The following SLC25A6 variants were observed in gnomAD, a reference collection of about 807,000 sequenced individuals.
The protein encoded by SLC25A6 is solute carrier family 25 member 6, also known as ADP/ATP translocase 3.
In SLC25A6, 9 loss-of-function variants were observed where a neutral mutation model predicts 25.7. That is an observed-to-expected ratio of 0.35 (90% CI 0.21 to 0.61). The LOEUF (loss-of-function observed/expected upper bound fraction) is 0.61. Among genes scored for constraint, SLC25A6 ranks in the 20% least tolerant of loss-of-function variants. SLC25A6 has a pLI of 0.76. For missense variants in SLC25A6, 404 were observed against 440.5 expected, an observed-to-expected ratio of 0.92 and a Z score of 0.74; for synonymous variants, 223 against 197.0, an observed-to-expected ratio of 1.13 and a Z score of -1.11.
intron 2 of SLC25A6, 95 bp downstream of exon 2, chrX:1,389,146 C>A: frequency 7.0e-7 from 1 of 1,418,468 alleles, no homozygotes; most frequent in African/African-American, 1.4e-5. Context: ...CAGCCCTGCC[C>A]ACACCTTATC....
rs746428369 is a variant in SLC25A6, at chrX:1,386,703, C to T, written c.796G>A (p.Gly266Arg). 2.5e-6 allele frequency: 4 copies of T among 1,612,756 alleles called. No homozygotes were observed. The highest frequency in any genetic ancestry group is 2.2e-5 in the East Asian group (1 of 44,796). Residue 266 changes from glycine (G) to arginine (R), a missense_variant, in exon 4 of 4, where the codon GGG (glycine) becomes AGG (arginine). Physicochemically the swap from Gly to Arg is moderately radical, Grantham distance 125. Transcript: ENST00000381401. ...DCWRKIFRDE[G>R]GKAFFKGAWS... ...GCACCCTTGAAGAAGGCCTTGCCCCCCTCATCTCTGAAGATCTTCCTCCAA... is the reference window on the plus strand; with the variant it reads ...GCACCCTTGAAGAAGGCCTTGCCCCTCTCATCTCTGAAGATCTTCCTCCAA...
intron 1 of SLC25A6, 78 bp downstream of exon 1, chrX:1,391,821 G>C (rs1182134921): frequency 3.5e-6 from 4 of 1,158,868 alleles, no homozygotes; most frequent in African/African-American, 1.6e-5. Context: ...GCAAGGCTCT[G>C]CTGCCCACGT....
At chrX:1,387,489 G>C in intron 2 of SLC25A6, 70 bp from the exon 3 acceptor site, 9 of 1,589,590 alleles carry the variant, frequency 5.7e-6, no homozygotes, top group South Asian at 5.6e-5. Flanking sequence ...CGGCCCCCAG[G>C]GTGTGCTCAC....
Position 1,389,631 on chromosome X carries a change from A to G in SLC25A6, c.208T>C (p.Phe70Leu). The G allele has an allele frequency of 6.2e-7, 1 of 1,614,098 alleles. No individual in the cohort carries two copies. Among genetic ancestry groups the G allele is most frequent in the Non-Finnish European group, 8.5e-7 (1 of 1,180,006 alleles). The change falls in exon 2 of 4, where the codon TTC becomes CTC. Residue 70 changes from phenylalanine to leucine, a missense_variant. Transcript: ENST00000381401. ...RIPKEQGVLS[F>L]WRGNLANVIR... is the part of the protein sequence containing the mutation. ...ACGTTGGCAAGGTTGCCCCTCCAGA[A>G]GGACAGCACGCCCTGCTCCTTGGGG...
intron 1 of SLC25A6, 75 bp from the exon 2 acceptor site, chrX:1,389,802 C>A: frequency 9.6e-6 from 15 of 1,562,672 alleles, no homozygotes; most frequent in Non-Finnish European, 1.2e-5. Flanking sequence ...AGGGTGCATC[C>A]TTTTTTTGAC....
chrX:1,387,242 C>T (rs2089336968), intron 3 of SLC25A6, 37 bp downstream of exon 3: 1 of 1,605,968 alleles, frequency 6.2e-7, no homozygotes, highest in Non-Finnish European at 8.5e-7. Flanking sequence ...CTTGGTTCCC[C>T]TTCCCGGCAG....
chrX:1,391,749 C>T lies in SLC25A6; in HGVS notation c.111+150G>A, dbSNP rs533526475. On this transcript the variant is annotated intron_variant, in intron 1 of 3. Transcript: ENST00000381401. ...CTGCAGCAGCGGTCACGTGACGCGG[C>T]CCCCGGAAGCCGGCGGCGCGTGGAC... 5.7e-5 allele frequency: 34 copies of T among 595,632 alleles called. No individual in the cohort carries two copies. In the South Asian group the frequency reaches 6.6e-4, roughly 12 times the overall value. 36.9% of individuals were successfully genotyped at this position (595,632 alleles called of 1,614,324 possible).
chrX:1,390,817 A>AATTTTT (rs1480688861), intron 1 of SLC25A6, among the ~76,000 whole-genome samples: 9 of 133,504 alleles, frequency 6.7e-5, no homozygotes, highest in South Asian at 2.4e-4. Flanking sequence ...TAAGTTTAAA[A>AATTTTT]CTTTTTCTTA....
At chrX:1,390,437 C>G (rs150782390) in intron 1 of SLC25A6, 1,702 of 152,856 alleles carry the variant, frequency 0.011, 32 homozygotes, top group African/African-American at 0.038. Context: ...ACTAAAAATA[C>G]AGAACATTAG....
intron 2 of SLC25A6, 105 bp downstream of exon 2, chrX:1,389,136 C>T (rs2089367115): frequency 1.5e-6 from 2 of 1,309,796 alleles, no homozygotes; most frequent in Admixed American, 2.5e-5. Flanking sequence ...CAGGAGGAAC[C>T]AGCCCTGCCC....
intron 1 of SLC25A6, among the ~76,000 whole-genome samples, chrX:1,391,517 T>A (rs2089410884): frequency 6.6e-6 from 1 of 152,090 alleles, no homozygotes; most frequent in Non-Finnish European, 1.5e-5. Flanking sequence ...CCCTTCACGG[T>A]GGAGGGAGCA....
At position 1,389,221 on chromosome X, in the gene SLC25A6, G is replaced by A. The variant is rs769302976; in HGVS notation, c.598+20C>T. The A allele has an allele frequency of 5.0e-6, 8 of 1,603,780 alleles. No individual in the cohort carries two copies. The highest frequency in any genetic ancestry group is 2.2e-5 in the East Asian group (1 of 44,676). ...GTGTTGAGCCCGTCTCTGGGACTTC[G>A]CGATGGCAGCCACACGTACCCTTGG... On this transcript the variant is annotated intron_variant, in intron 2 of 3. Coordinates refer to ENST00000381401, the MANE Select transcript of SLC25A6 (RefSeq NM_001636.4).
intron 2 of SLC25A6, among the ~76,000 whole-genome samples, chrX:1,387,791 G>A (rs2089345402): frequency 6.6e-6 from 1 of 152,008 alleles, no homozygotes; most frequent in Non-Finnish European, 1.5e-5. Flanking sequence ...ACCTCAGGAT[G>A]CAACTGTACT....
At chrX:1,387,506 CT>C in intron 2 of SLC25A6, 87 bp from the exon 3 acceptor site, 14 of 1,559,292 alleles carry the variant, frequency 9.0e-6, no homozygotes, top group Non-Finnish European at 1.2e-5. Flanking sequence ...TCACGGCCCC[CT>C]GAGGTGGTGC....
intron 2 of SLC25A6, 55 bp from the exon 3 acceptor site, chrX:1,387,474 AG>A: frequency 6.2e-7 from 1 of 1,600,128 alleles, no homozygotes; most frequent in South Asian, 1.1e-5. Context: ...ACCCGAGACC[AG>A]GGTCGGCCCC....
chrX:1,389,846 ATGGGGTGAT>A (rs2089378537), intron 1 of SLC25A6, 119 bp from the exon 2 acceptor site: 2 of 1,499,940 alleles, frequency 1.3e-6, no homozygotes, highest in Non-Finnish European at 8.9e-7. Context: ...CTGGAGTGCA[ATGGGGTGAT>A]CAAGTGATTC....
At position 1,386,427 on chromosome X, in the gene SLC25A6, T is replaced by C. The variant is rs767054239; in HGVS notation, c.*175A>G. On this transcript the variant is annotated 3_prime_UTR_variant, in exon 4 of 4. Coordinates refer to ENST00000381401, the MANE Select transcript of SLC25A6 (RefSeq NM_001636.4). ...AAGACACGGAATCGGCTGCCGATGG[T>C]TGGATCGCAATGCGCCCCTTTTCTA... is the stretch of plus-strand genomic sequence containing the variant. 11 of 823,548 alleles carry C rather than the reference T, an allele frequency of 1.3e-5. No individual in the cohort carries two copies. The South Asian group carries it at 1.6e-4, about 12-fold the overall frequency. The allele number at this position is 823,548 out of a possible 1,614,324, so 51.0% of individuals were successfully genotyped here.
chrX:1,386,773 G>C lies in SLC25A6; in HGVS notation c.740-14C>G, dbSNP rs779651239. 1.3e-6 allele frequency: 2 copies of C among 1,599,406 alleles called. No homozygotes were observed. The highest frequency in any genetic ancestry group is 8.5e-7 in the Non-Finnish European group (1 of 1,173,720). On this transcript the variant is annotated splice_polypyrimidine_tract_variant and intron_variant, in intron 3 of 3. Transcript: ENST00000381401. ...ACATGATGTCAGCTGCAACGACAGG[G>C]AGACAGTGAGGGCCTCGCCGCCAAG...
Position 1,386,223 on chromosome X carries a change from T to G in SLC25A6, c.*379A>C, listed in dbSNP as rs747880432. On this transcript the variant is annotated 3_prime_UTR_variant, in exon 4 of 4. Transcript: ENST00000381401. ...TAGAACATACTCGCCAGTACTCGGC[T>G]GTGCAAAACAGGGGCTAGCGCTGAA... is the stretch of plus-strand genomic sequence containing the variant. 4 of 201,934 alleles carry G rather than the reference T, an allele frequency of 2.0e-5. No individual in the cohort carries two copies. The South Asian group carries it at 7.0e-4, about 35-fold the overall frequency. 12.5% of individuals were successfully genotyped at this position (201,934 alleles called of 1,614,324 possible). A position where few individuals can be genotyped will look rare whatever the true frequency, so the allele number is the denominator to read the frequency against.
Sources: allele counts gnomAD v4.1 joint callset (sites outside exome capture counted in the v4.1 genomes callset), GRCh38; gene constraint gnomAD v4.1.1; transcripts MANE v1.5; gene names NCBI Gene and HGNC (gene_info 2026-07-23, HGNC 2026-07-21).